The following SETD3 variants were observed in gnomAD, a reference collection of about 807,000 sequenced individuals.
The protein encoded by SETD3 is SET domain containing 3, actin N3(tau)-histidine methyltransferase, also known as actin-histidine N-methyltransferase.
A neutral mutation model predicts 63.0 loss-of-function variants in SETD3; 19 were observed. The observed-to-expected ratio is 0.30, with a 90% CI of 0.21 to 0.44. The LOEUF is 0.44. Among genes scored for constraint, SETD3 ranks in the 20% least tolerant of loss-of-function variants. SETD3 has a pLI of 1.00. For synonymous variants in SETD3, 286 were observed against 264.1 expected (o/e 1.08, Z -0.80); for missense variants, 587 against 728.5 (o/e 0.81, Z 2.24).
intron 4 of SETD3, among the ~76,000 whole-genome samples, chr14:99,460,221 T>G (rs946663822): frequency 6.6e-6 from 1 of 152,150 alleles, no homozygotes. Context: ...GTATCTAATA[T>G]ACCAGCATGT....
chr14:99,413,588 A>T (rs1455644769), intron 7 of SETD3, among the ~76,000 whole-genome samples: 1 of 152,226 alleles, frequency 6.6e-6, no homozygotes, highest in East Asian at 1.9e-4. Flanking sequence ...TTTAAATAAG[A>T]AAAGAAAAAT....
chr14:99,434,847 C>CA (rs71110599), intron 6 of SETD3, among the ~76,000 whole-genome samples: 877 of 30,448 alleles, frequency 0.029, 153 homozygotes, highest in East Asian at 0.091. Flanking sequence ...AACTCTGCCT[C>CA]AAAAAAAAAA....
chr14:99,483,841 C>G (rs904475234), upstream of SETD3, among the ~76,000 whole-genome samples: 1 of 152,196 alleles, frequency 6.6e-6, no homozygotes, highest in South Asian at 2.1e-4. Context: ...CTTGCCCTTA[C>G]TCGGATTAAC....
intron 7 of SETD3, chr14:99,413,387 C>A (rs1892114088): frequency 6.7e-6 from 2 of 299,334 alleles, no homozygotes; most frequent in Non-Finnish European, 1.2e-5. Flanking sequence ...CCAACCCAAC[C>A]CTCTTTTGCC....
chr14:99,457,583 G>A (rs1013689004), intron 6 of SETD3, among the ~76,000 whole-genome samples: 2 of 152,196 alleles, frequency 1.3e-5, no homozygotes, highest in East Asian at 1.9e-4. Flanking sequence ...CTCAAGAACA[G>A]CAGCCCAGGA....
chr14:99,424,290 G>A (rs1595178917), intron 6 of SETD3, among the ~76,000 whole-genome samples: 2 of 152,294 alleles, frequency 1.3e-5, no homozygotes, highest in East Asian at 3.9e-4. Context: ...TACATTCGGG[G>A]GACAGGAATG....
chr14:99,429,479 C>A (rs967611973), intron 6 of SETD3, among the ~76,000 whole-genome samples: 1 of 152,084 alleles, frequency 6.6e-6, no homozygotes, highest in Non-Finnish European at 1.5e-5. Flanking sequence ...CAGAGCACCC[C>A]GATTCTCTTA....
chr14:99,448,095 G>A (rs1894237719), intron 6 of SETD3, among the ~76,000 whole-genome samples: 2 of 152,202 alleles, frequency 1.3e-5, no homozygotes, highest in Admixed American at 6.5e-5. Context: ...GGTTTGGTGA[G>A]CCCCTGTGGC....
intron 12 of SETD3, among the ~76,000 whole-genome samples, chr14:99,399,367 C>T (rs914114873): frequency 1.3e-5 from 2 of 152,168 alleles, no homozygotes; most frequent in African/African-American, 4.8e-5. Flanking sequence ...CAAGAAAGAA[C>T]AGCCTAAATC....
upstream of SETD3, among the ~76,000 whole-genome samples, chr14:99,484,564 C>A (rs8011888): frequency 0.025 from 3,815 of 152,288 alleles, 159 homozygotes; most frequent in African/African-American, 0.087. Context: ...AGTTTAAGGA[C>A]CCTGGTAGAA....
chr14:99,408,975 G>A (rs905639945), intron 8 of SETD3, among the ~76,000 whole-genome samples: 4 of 152,176 alleles, frequency 2.6e-5, no homozygotes, highest in African/African-American at 7.2e-5. Context: ...CTTCTGGCAG[G>A]AGCCCCAGGA....
intron 8 of SETD3, chr14:99,411,599 CAATT>C (rs958328593): frequency 6.6e-6 from 1 of 151,900 alleles, no homozygotes; most frequent in Non-Finnish European, 1.5e-5. Context: ...CTCTAATAAT[CAATT>C]GAGTTTGGGA....
intron 1 of SETD3, among the ~76,000 whole-genome samples, chr14:99,466,285 C>T (rs192716379): frequency 1.3e-5 from 2 of 152,308 alleles, no homozygotes; most frequent in East Asian, 3.9e-4. Flanking sequence ...ATGCTGAAGA[C>T]GTTTTAGAGC....
chr14:99,430,086 C>T (rs1309975319), intron 6 of SETD3, among the ~76,000 whole-genome samples: 4 of 152,208 alleles, frequency 2.6e-5, no homozygotes, highest in Non-Finnish European at 4.4e-5. Flanking sequence ...CAGGAAACAG[C>T]GTTTTCAGTA....
Position 99,405,311 on chromosome 14 carries a change from A to C in SETD3, c.985T>G (p.Phe329Val), listed in dbSNP as rs1182063380. The C allele has an allele frequency of 6.2e-7, 1 of 1,614,188 alleles. No individual in the cohort carries two copies. The highest frequency in any genetic ancestry group is 1.7e-5 in the Admixed American group (1 of 60,020). The change falls in exon 10 of 13, where the codon TTT becomes GTT. Residue 329 changes from phenylalanine (F) to valine (V), a missense_variant. By Grantham distance (50) the Phe-to-Val change is conservative. Transcript: ENST00000331768. ...ACTCTGTCGTGTGAGTTATTGTCAA[A>C]GAAAAAACCACTGTGGATCACAAAC... ...AEFVIHSGFF[F>V]DNNSHDRVKI... is the part of the protein sequence containing the mutation.
chr14:99,419,544 A>G (rs967805614), intron 6 of SETD3, among the ~76,000 whole-genome samples: 1 of 152,036 alleles, frequency 6.6e-6, no homozygotes, highest in Non-Finnish European at 1.5e-5. Context: ...GGGAGGCCGA[A>G]GCGGGCGGAT....
chr14:99,430,870 T>C (rs1031857560), intron 6 of SETD3, among the ~76,000 whole-genome samples: 2 of 152,348 alleles, frequency 1.3e-5, no homozygotes, highest in Admixed American at 1.3e-4. Flanking sequence ...CTGGTCAGTA[T>C]GTGCAGACAT....
chr14:99,400,624 C>T (rs1005769971), intron 11 of SETD3, among the ~76,000 whole-genome samples: 3 of 152,176 alleles, frequency 2.0e-5, no homozygotes, highest in Non-Finnish European at 4.4e-5. Context: ...TAGCCATGAG[C>T]TCCATCACAC....
At chr14:99,472,132 A>T (rs1293688369) in intron 1 of SETD3, among the ~76,000 whole-genome samples, 1 of 152,252 alleles carries the variant, frequency 6.6e-6, no homozygotes, top group Non-Finnish European at 1.5e-5. Context: ...GTTGCAGAAG[A>T]CAACAAAATT....
Sources: allele counts gnomAD v4.1 joint callset (sites outside exome capture counted in the v4.1 genomes callset), GRCh38; gene constraint gnomAD v4.1.1; transcripts MANE v1.5; gene names NCBI Gene and HGNC (gene_info 2026-07-23, HGNC 2026-07-21).